Variants in EPRS1 observed in about 807,000 individuals in gnomAD.
EPRS1 encodes the protein bifunctional glutamate/proline--tRNA ligase.
EPRS1 carries 107 observed loss-of-function variants against 188.3 expected under a neutral mutation model. The ratio of observed to expected loss-of-function variants is 0.57; its 90% CI spans 0.49 to 0.67. EPRS1 has a LOEUF of 0.67. Ranked by LOEUF, EPRS1 falls within the 30% of genes least tolerant of loss-of-function variation. The pLI, the probability that EPRS1 is intolerant of heterozygous loss-of-function variation, is 0.00. For synonymous variants in EPRS1, 596 were observed against 593.1 expected (o/e 1.00, Z -0.07); for missense variants, 1,577 against 1,802.2 (o/e 0.88, Z 2.26).
At chr1:220,021,467 G>C (rs566632791) in intron 9 of EPRS1, among the ~76,000 whole-genome samples, 1 of 152,108 alleles carries the variant, frequency 6.6e-6, no homozygotes, top group East Asian at 1.9e-4. Context: ...CCAAAGTGTT[G>C]GCATTACAGG....
In EPRS1 at chr1:219,999,791, T is replaced by A. The variant is rs914304446; in HGVS notation, c.2181+1347A>T. Among the ~76,000 whole-genome samples, 9 of 152,192 alleles carry A rather than the reference T, an allele frequency of 5.9e-5. No individual in the cohort carries two copies. In the East Asian group the frequency reaches 1.7e-3, roughly 29 times the overall value. ...GAGTTCAAGACCAGTCTGGCCAACA[T>A]GGCGAAACCCCATCTCTACTAAAAA... On this transcript the variant is annotated intron_variant, in intron 17 of 31. Transcript: ENST00000366923.
chr1:220,033,482 T>G lies in EPRS1; in HGVS notation c.388+20A>C, dbSNP rs745964494. ...AATATTAAACGATTAAAACAGAGGA[T>G]TATTAAGAATTATTGATACCTTTTA... On this transcript the variant is annotated intron_variant, in intron 4 of 31. Coordinates refer to ENST00000366923, the MANE Select transcript of EPRS1 (RefSeq NM_004446.3). 7.1e-6 allele frequency: 11 copies of G among 1,551,530 alleles called. No individual in the cohort carries two copies.
In EPRS1 at chr1:219,981,407, T is replaced by C. The variant is rs747197507; in HGVS notation, c.3424A>G (p.Ile1142Val). 3.7e-6 allele frequency: 6 copies of C among 1,609,170 alleles called. No individual in the cohort carries two copies. Among genetic ancestry groups the C allele is most frequent in the Non-Finnish European group, 8.5e-7 (1 of 1,177,124 alleles). Reference sequence around the variant, plus strand: ...ACATTGCACCACTGATTGAGCTTGATGGGCAGGTCTCTGTGTGACTGTACC... The same window carrying C: ...ACATTGCACCACTGATTGAGCTTGACGGGCAGGTCTCTGTGTGACTGTACC... ...KWVQSHRDLP[I>V]KLNQWCNVVR... Residue 1142 changes from isoleucine (I) to valine (V), a missense_variant, in exon 24 of 32, where the codon ATC becomes GTC. Ile to Val is a conservative substitution (Grantham distance 29). This residue lies in a region of EPRS1 where 1,278 missense variants were observed against 1,457.4 expected (regional missense o/e 0.88). Coordinates refer to ENST00000366923, the MANE Select transcript of EPRS1 (RefSeq NM_004446.3).
Position 220,024,951 on chromosome 1 carries a change from CTT to C in EPRS1, c.750+179_750+180del, listed in dbSNP as rs1179297302. 2.2e-5 allele frequency: 13 copies of C among 591,032 alleles called. No individual in the cohort carries two copies. In the East Asian group the frequency reaches 2.5e-4, roughly 11 times the overall value. The allele number at this position is 591,032 out of a possible 1,614,324, so 36.6% of individuals were successfully genotyped here. A position where few individuals can be genotyped will look rare whatever the true frequency, so the allele number is the denominator to read the frequency against. ...ATAACTGGGGAAAGGAAAAATAACT[CTT>C]AAGTTTTTTGGTATGGGAGCTCGAC... On this transcript the variant is annotated intron_variant, in intron 7 of 31. Transcript: ENST00000366923.
Position 220,007,698 on chromosome 1 carries a change from T to G in EPRS1, c.1606-360A>C, listed in dbSNP as rs911527115. ...ATTACTTCCAGCCTACAAGACTCAT[T>G]GATTTCACAGCTAAGACAGTATACT... On this transcript the variant is annotated intron_variant, in intron 13 of 31. Coordinates refer to ENST00000366923, the MANE Select transcript of EPRS1 (RefSeq NM_004446.3). Among the ~76,000 whole-genome samples, 21 of 152,324 alleles carry G rather than the reference T, an allele frequency of 1.4e-4. No homozygotes were observed. The South Asian group carries it at 4.1e-3, about 30-fold the overall frequency.
intron 18 of EPRS1, among the ~76,000 whole-genome samples, chr1:219,995,826 AG>A (rs1341675175): frequency 6.6e-6 from 1 of 152,180 alleles, no homozygotes; most frequent in African/African-American, 2.4e-5. Context: ...GTCAGATGCC[AG>A]CAACTTGTTG....
rs1162295762 is a variant in EPRS1, at chr1:219,981,373, C to T, written c.3453+5G>A. The T allele has an allele frequency of 1.3e-6, 2 of 1,579,428 alleles. No individual in the cohort carries two copies. The highest frequency in any genetic ancestry group is 1.7e-6 in the Non-Finnish European group (2 of 1,156,300). On this transcript the variant is annotated splice_donor_5th_base_variant and intron_variant, in intron 24 of 31. Transcript: ENST00000366923. The stretch of plus-strand genomic sequence containing the variant: ...AATAGAATACAAGAGGGGGTGAATA[C>T]CTACCACCACATTGCACCACTGATT...
intron 15 of EPRS1, among the ~76,000 whole-genome samples, chr1:220,005,817 GTTTT>G (rs765781858): frequency 8.4e-6 from 1 of 119,656 alleles, no homozygotes; most frequent in Non-Finnish European, 1.6e-5. Context: ...TACTTACATC[GTTTT>G]TTTTTTTGTT....
chr1:220,005,302 A>G lies in EPRS1; in HGVS notation c.2009T>C (p.Ile670Thr), dbSNP rs754234232. 2.5e-6 allele frequency: 4 copies of G among 1,599,974 alleles called. No homozygotes were observed. Among genetic ancestry groups the G allele is most frequent in the Non-Finnish European group, 3.4e-6 (4 of 1,172,462 alleles). ...CLKDLKKGDI[I>T]QLQRRGFFIC... is the part of the protein sequence containing the mutation. ...GAAGAATCCTCTTCTCTGGAGTTGT[A>G]TAATATCTCCTTTTTTCAAATCCTT... The change falls in exon 16 of 32, where the codon ATA becomes ACA. Residue 670 changes from isoleucine to threonine, a missense_variant. This residue lies in a region of EPRS1 where 1,278 missense variants were observed against 1,457.4 expected (regional missense o/e 0.88). Transcript: ENST00000366923.
At chr1:220,019,183 A>T (rs1370041748) in intron 10 of EPRS1, 104 bp from the exon 11 acceptor site, 21 of 786,476 alleles carry the variant, frequency 2.7e-5, no homozygotes, top group Non-Finnish European at 4.3e-5. Flanking sequence ...CTTGTTAAAC[A>T]TTTGTCTAAG....
intron 30 of EPRS1, among the ~76,000 whole-genome samples, chr1:219,970,652 C>A (rs1193966959): frequency 6.6e-6 from 1 of 151,996 alleles, no homozygotes; most frequent in Non-Finnish European, 1.5e-5. Context: ...ATGGCAGGCG[C>A]CTGTAATCCC....
chr1:219,971,359 C>G (rs1660660684), intron 30 of EPRS1, among the ~76,000 whole-genome samples: 1 of 152,080 alleles, frequency 6.6e-6, no homozygotes, highest in African/African-American at 2.4e-5. Context: ...TCAATTAAAT[C>G]TTAAAGAGCC....
At chr1:219,981,283 C>T in intron 24 of EPRS1, 95 bp downstream of exon 24, 1 of 724,490 alleles carries the variant, frequency 1.4e-6, no homozygotes, top group Non-Finnish European at 2.2e-6. Context: ...GTTCCATACT[C>T]CCAATCCTTT....
At chr1:219,985,159 C>T (rs1463984719) in intron 20 of EPRS1, among the ~76,000 whole-genome samples, 2 of 151,818 alleles carry the variant, frequency 1.3e-5, no homozygotes, top group Non-Finnish European at 2.9e-5. Context: ...AGCTATGATT[C>T]TATGCAGACA....
At chr1:220,020,269 C>G (rs1661844347) in intron 9 of EPRS1, 48 bp from the exon 10 acceptor site, 1 of 1,195,698 alleles carries the variant, frequency 8.4e-7, no homozygotes, top group African/African-American at 1.5e-5. Flanking sequence ...CCCTTTCCCT[C>G]TTAGATTAAG....
At chr1:220,020,940 C>T (rs1039150678) in intron 9 of EPRS1, among the ~76,000 whole-genome samples, 29 of 148,428 alleles carry the variant, frequency 2.0e-4, no homozygotes, top group African/African-American at 6.4e-4. Context: ...TAGAGTGCAC[C>T]GGTGCGATCT....
chr1:220,022,347 T>G lies in EPRS1; in HGVS notation c.1115A>C (p.Asn372Thr). The change falls in exon 9 of 32, where the codon AAT becomes ACT. Residue 372 changes from asparagine to threonine, a missense_variant and splice_region_variant. Physicochemically the swap from Asn to Thr is moderately conservative, Grantham distance 65. Around this residue, in one of 3 missense-constraint regions of EPRS1, gnomAD observed 1,278 missense variants for 1,457.4 expected, o/e 0.88. Transcript: ENST00000366923. ...QPHPRTGNKY[N>T]VYPTYDFACP... Reference sequence around the variant, plus strand: ...AGCATATTGAAGGAGATATACTTACTTGTATTTATTTCCAGTTCTTGGATG... The same window carrying G: ...AGCATATTGAAGGAGATATACTTACGTGTATTTATTTCCAGTTCTTGGATG... The G allele has an allele frequency of 6.2e-7, 1 of 1,612,272 alleles. No homozygotes were observed. Among genetic ancestry groups the G allele is most frequent in the Non-Finnish European group, 8.5e-7 (1 of 1,178,982 alleles).
At chr1:219,972,573 A>G (rs1456134384) in intron 29 of EPRS1, among the ~76,000 whole-genome samples, 6 of 152,178 alleles carry the variant, frequency 3.9e-5, no homozygotes, top group Non-Finnish European at 8.8e-5. Context: ...CCCTCTCCCA[A>G]ACTGCACCTC....
chr1:219,981,719 A>T (rs1388860470), intron 23 of EPRS1, among the ~76,000 whole-genome samples: 1 of 152,238 alleles, frequency 6.6e-6, no homozygotes, highest in African/African-American at 2.4e-5. Flanking sequence ...CATTCTTCAC[A>T]TAACAGTTAA....
Sources: gnomAD v4.1 joint callset for allele counts (sites outside exome capture counted in the v4.1 genomes callset) on GRCh38, gnomAD v4.1.1 for gene constraint, gnomAD v4.1.1 regional missense constraint, MANE v1.5 for transcripts, NCBI Gene and HGNC (gene_info 2026-07-23, HGNC 2026-07-21) for gene names.